GOLGA1: variants seen among roughly 807,000 people sequenced by gnomAD.
The protein encoded by GOLGA1 is golgin subfamily A member 1.
In GOLGA1, 63 loss-of-function variants were observed where a neutral mutation model predicts 119.7. The ratio of observed to expected loss-of-function variants is 0.53; its 90% CI spans 0.43 to 0.65. The LOEUF (loss-of-function observed/expected upper bound fraction) is 0.65, where lower values mean the gene tolerates loss of function less well. Ranked by LOEUF, GOLGA1 falls within the 30% of genes least tolerant of loss-of-function variation. GOLGA1 has a pLI of 0.00. For missense variants in GOLGA1, 798 were observed against 912.8 expected (o/e 0.87, Z 1.62); for synonymous variants, 318 against 333.4 (o/e 0.95, Z 0.50).
In GOLGA1 at chr9:124,880,260, T is replaced by C. The variant is rs1588050366; in HGVS notation, c.*270A>G. 2 of 297,034 alleles carry C rather than the reference T, an allele frequency of 6.7e-6. No individual in the cohort carries two copies. Among genetic ancestry groups the C allele is most frequent in the East Asian group, 7.7e-5 (1 of 12,942 alleles). 18.4% of individuals were successfully genotyped at this position (297,034 alleles called of 1,614,324 possible). ...TTAGAGGATTCAGGTGCAGATGGGG[T>C]GCTGGCTGGAGCTGGGATATTAGCA... is the stretch of plus-strand genomic sequence containing the variant. On this transcript the variant is annotated 3_prime_UTR_variant, in exon 23 of 23. Transcript: ENST00000373555.
rs1261526421 is a variant in GOLGA1 at position 124,926,690 on chromosome 9, A to C, written c.432+19T>G. ...AGACGAGACCAACAAAAATGAGACA[A>C]AAATAAAGATGAACTAACCTTTTCA... On this transcript the variant is annotated intron_variant, in intron 7 of 22. Coordinates refer to ENST00000373555, the MANE Select transcript of GOLGA1 (RefSeq NM_002077.4). 6.5e-7 allele frequency: 1 copy of C among 1,541,576 alleles called. No individual in the cohort carries two copies. The highest frequency in any genetic ancestry group is 1.4e-5 in the African/African-American group (1 of 73,428).
chr9:124,938,645 T>C lies in GOLGA1; in HGVS notation c.67A>G (p.Thr23Ala). The C allele has an allele frequency of 1.9e-6, 3 of 1,613,356 alleles. No homozygotes were observed. Among genetic ancestry groups the C allele is most frequent in the Non-Finnish European group, 2.5e-6 (3 of 1,179,310 alleles). The change falls in exon 3 of 23, where the codon ACT becomes GCT. Residue 23 changes from threonine (T) to alanine (A), a missense_variant. Coordinates refer to ENST00000373555, the MANE Select transcript of GOLGA1 (RefSeq NM_002077.4). ...TTGCTCACAGACCGTGGGATCCTAG[T>C]AGCACCTCCTGGCCTCTGAGCAACA... ...TAVAQRPGGA[T>A]RIPRSVSKES...
rs188462965 is a variant in GOLGA1, at chr9:124,880,263, T to C, written c.*267A>G. ...GAGGATTCAGGTGCAGATGGGGTGC[T>C]GGCTGGAGCTGGGATATTAGCAGCA... On this transcript the variant is annotated 3_prime_UTR_variant, in exon 23 of 23. Coordinates refer to ENST00000373555, the MANE Select transcript of GOLGA1 (RefSeq NM_002077.4). 3.3e-6 allele frequency: 1 copy of C among 305,968 alleles called. No individual in the cohort carries two copies. Among genetic ancestry groups the C allele is most frequent in the Non-Finnish European group, 6.4e-6 (1 of 156,452 alleles). 19.0% of individuals were successfully genotyped at this position (305,968 alleles called of 1,614,324 possible). A position where few individuals can be genotyped will look rare whatever the true frequency, so the allele number is the denominator to read the frequency against.
chr9:124,887,985 G>C (rs1241202525), intron 19 of GOLGA1, among the ~76,000 whole-genome samples: 1 of 152,198 alleles, frequency 6.6e-6, no homozygotes, highest in Non-Finnish European at 1.5e-5. Context: ...CAGCAGAGCT[G>C]GCAGGGAACA....
intron 3 of GOLGA1, among the ~76,000 whole-genome samples, chr9:124,932,187 TG>T (rs1830781809): frequency 6.6e-6 from 1 of 152,234 alleles, no homozygotes; most frequent in African/African-American, 2.4e-5. Context: ...ACAGACATCA[TG>T]GCATTTCATC....
In GOLGA1 at chr9:124,946,964, C is replaced by A. The variant is rs559549003; in HGVS notation, c.-156+954G>T. 6.6e-6 allele frequency: 1 copy of A among 152,250 alleles called. No individual in the cohort carries two copies. The highest frequency in any genetic ancestry group is 1.5e-5 in the Non-Finnish European group (1 of 68,000). 9.4% of individuals were successfully genotyped at this position (152,250 alleles called of 1,614,324 possible). The stretch of plus-strand genomic sequence containing the variant: ...ATTAATCATAGCTGCTGCAAATATA[C>A]AAATTAACAACCTCCCGTTCCTCAC... On this transcript the variant is annotated intron_variant, in intron 1 of 4. Transcript: ENST00000421514. The surrounding 1 kb of genome is among the most constrained non-coding windows in gnomAD (Gnocchi z 4.0).
chr9:124,885,220 GA>G (rs1829691603), intron 19 of GOLGA1, among the ~76,000 whole-genome samples: 1 of 152,116 alleles, frequency 6.6e-6, no homozygotes, highest in African/African-American at 2.4e-5. Flanking sequence ...AGCTACTTGG[GA>G]GGCTGAGGCA....
At chr9:124,899,688 C>T (rs1255632949) in intron 13 of GOLGA1, among the ~76,000 whole-genome samples, 1 of 152,228 alleles carries the variant, frequency 6.6e-6, no homozygotes, top group Non-Finnish European at 1.5e-5. Context: ...GATGTCATCA[C>T]TCCATCCTCA....
At chr9:124,918,391 T>C (rs1830494097) in intron 10 of GOLGA1, among the ~76,000 whole-genome samples, 1 of 152,164 alleles carries the variant, frequency 6.6e-6, no homozygotes, top group Non-Finnish European at 1.5e-5. Context: ...TGAAGAAACT[T>C]ACTGTGACCA....
chr9:124,921,038 T>C (rs765738104), intron 10 of GOLGA1, 91 bp downstream of exon 10: 1 of 788,654 alleles, frequency 1.3e-6, no homozygotes, highest in African/African-American at 1.7e-5. Context: ...GAGAAATGTA[T>C]GTTCAGTAGC....
intron 20 of GOLGA1, 105 bp downstream of exon 20, chr9:124,882,405 G>C: frequency 1.3e-6 from 1 of 785,326 alleles, no homozygotes; most frequent in Non-Finnish European, 2.2e-6. Flanking sequence ...AATTAATTAG[G>C]GGGTGGAGGG....
chr9:124,902,208 T>C (rs1478151767), intron 12 of GOLGA1, among the ~76,000 whole-genome samples: 1 of 150,716 alleles, frequency 6.6e-6, no homozygotes, highest in Non-Finnish European at 1.5e-5. Flanking sequence ...ACCTCCCGGG[T>C]TCACGCCATT....
intron 19 of GOLGA1, among the ~76,000 whole-genome samples, chr9:124,885,379 G>T (rs1471629398): frequency 6.6e-6 from 1 of 151,628 alleles, no homozygotes; most frequent in Admixed American, 6.6e-5. Flanking sequence ...CAGCTACTCG[G>T]GAGGTTGAGG....
chr9:124,912,516 C>T (rs1438582439), intron 10 of GOLGA1, among the ~76,000 whole-genome samples: 1 of 152,146 alleles, frequency 6.6e-6, no homozygotes, highest in Non-Finnish European at 1.5e-5. Context: ...TGGCTTTAGA[C>T]CAACAGCTGC....
rs149805417 is a variant in GOLGA1, at chr9:124,903,016, G to C, written c.1066-2469C>G. Among the ~76,000 whole-genome samples the C allele has an allele frequency of 1.2e-3, 188 of 152,264 alleles. 3 individuals are homozygous for C. The East Asian group carries it at 0.031, about 25-fold the overall frequency. ...CAATTTAGAAGCCAAGTTCAAGATA[G>C]ATTCAGATCTTCAAGAGATTAAAGA... On this transcript the variant is annotated intron_variant, in intron 12 of 22. Transcript: ENST00000373555.
At chr9:124,897,718 TG>T (rs199533345) in intron 15 of GOLGA1, among the ~76,000 whole-genome samples, 377 of 152,094 alleles carry the variant, frequency 2.5e-3, no homozygotes, top group African/African-American at 8.7e-3. Context: ...AAGGAATGCA[TG>T]AAAAAAAAAT....
At chr9:124,887,123 C>G (rs772282374) in intron 19 of GOLGA1, among the ~76,000 whole-genome samples, 1 of 152,150 alleles carries the variant, frequency 6.6e-6, no homozygotes, top group Non-Finnish European at 1.5e-5. Flanking sequence ...AGGCAGTGAT[C>G]CCGTGACAGA....
intron 12 of GOLGA1, 106 bp downstream of exon 12, chr9:124,908,271 C>A: frequency 1.4e-6 from 1 of 722,586 alleles, no homozygotes; most frequent in East Asian, 2.5e-5. Flanking sequence ...AAAAATAATC[C>A]CTTCTAGTGA....
At chr9:124,928,063 G>C (rs1270370892) in intron 6 of GOLGA1, 125 bp downstream of exon 6, 3 of 513,030 alleles carry the variant, frequency 5.8e-6, no homozygotes, top group Non-Finnish European at 1.0e-5. Flanking sequence ...AAACCTTAAC[G>C]AACTTTTAAC....
Sources: allele counts gnomAD v4.1 joint callset (sites outside exome capture counted in the v4.1 genomes callset), GRCh38; gene constraint gnomAD v4.1.1; non-coding constraint Gnocchi (gnomAD v3.1); transcripts MANE v1.5; gene names NCBI Gene and HGNC (gene_info 2026-07-23, HGNC 2026-07-21).